Variants in PCDHA5 observed in about 807,000 individuals in gnomAD.
PCDHA5 encodes protocadherin alpha 5.
A neutral mutation model predicts 61.6 loss-of-function variants in PCDHA5; 43 were observed. That is an observed-to-expected ratio of 0.70 (90% confidence interval 0.55 to 0.90). The LOEUF is 0.90. Ranked by LOEUF, PCDHA5 falls within the 40% of genes least tolerant of loss-of-function variation. PCDHA5 has a pLI of 0.00. For synonymous variants in PCDHA5, 627 were observed against 543.9 expected (o/e 1.15, Z -2.13); for missense variants, 1,298 against 1,222.7 (o/e 1.06, Z -0.92).
intron 1 of PCDHA5, chr5:140,870,316 T>C (rs1178506832): frequency 1.2e-6 from 2 of 1,614,126 alleles, no homozygotes; most frequent in Admixed American, 3.3e-5. Context: ...GAATTACTAC[T>C]CGTTGGTGCT....
chr5:140,834,675 C>A lies in PCDHA5; in HGVS notation c.2352+10548C>A, dbSNP rs1554134420. On this transcript the variant is annotated intron_variant, in intron 1 of 3. Transcript: ENST00000529859. ...GATCGACCGCGAGGAGCTGTGCGGG[C>A]GGAGCGCGGAGTGCAGCATCCACCT... is the stretch of plus-strand genomic sequence containing the variant. The A allele has an allele frequency of 1.9e-6, 3 of 1,614,206 alleles. No homozygotes were observed. In the African/African-American group the frequency reaches 4.0e-5, roughly 22 times the overall value.
Position 141,002,117 on chromosome 5 carries a change from C to T in PCDHA5, c.2501-7510C>T, listed in dbSNP as rs74680186. Among the ~76,000 whole-genome samples, 37 of 152,378 alleles carry T rather than the reference C, an allele frequency of 2.4e-4. 1 individual carries two copies. The East Asian group carries it at 6.0e-3, about 25-fold the overall frequency. ...GGGCTGGGCCGGAAACGGCTATAAT[C>T]ATTTAATAGCCTTTGCCGGCTGCAC... On this transcript the variant is annotated intron_variant, in intron 3 of 3. Transcript: ENST00000529859.
intron 3 of PCDHA5, among the ~76,000 whole-genome samples, chr5:140,995,046 A>C (rs193191582): frequency 1.9e-4 from 29 of 152,184 alleles, no homozygotes; most frequent in Non-Finnish European, 3.7e-4. Context: ...CCTTAACTCT[A>C]CTGAATTTTC....
intron 1 of PCDHA5, chr5:140,849,720 C>T (rs1184011333): frequency 1.3e-6 from 2 of 1,598,576 alleles, no homozygotes; most frequent in Admixed American, 1.7e-5. Context: ...CTCGTTGGTG[C>T]TGGACAGAGC....
intron 1 of PCDHA5, among the ~76,000 whole-genome samples, chr5:140,937,697 G>A (rs2091687536): frequency 6.6e-6 from 1 of 151,910 alleles, no homozygotes; most frequent in Non-Finnish European, 1.5e-5. Flanking sequence ...CGGATCACGA[G>A]GTCAGGAGAT....
intron 1 of PCDHA5, chr5:140,843,268 C>T (rs1778736907): frequency 1.3e-6 from 2 of 1,595,984 alleles, no homozygotes; most frequent in East Asian, 2.2e-5. Flanking sequence ...GTCTGCTGGT[C>T]CTGGTGAAGG....
rs1310560301 is a variant in PCDHA5, at chr5:140,838,419, C to T, written c.2352+14292C>T. On this transcript the variant is annotated intron_variant, in intron 1 of 3. Transcript: ENST00000529859. ...GATTACAGGAGTGAGCCACCGCATC[C>T]GGCCTAAATTATATATTGGGTTTTG... is the stretch of plus-strand genomic sequence containing the variant. Among the ~76,000 whole-genome samples, 7 of 151,450 alleles carry T rather than the reference C, an allele frequency of 4.6e-5. 1 individual carries two copies. The highest frequency in any genetic ancestry group is 2.1e-4 in the South Asian group (1 of 4,794).
At chr5:140,828,166 G>T (rs2150151678) in intron 1 of PCDHA5, 1 of 1,614,182 alleles carries the variant, frequency 6.2e-7, no homozygotes, top group Non-Finnish European at 8.5e-7. Context: ...CAGCCTGGAA[G>T]GTGGGGAGCG....
intron 1 of PCDHA5, among the ~76,000 whole-genome samples, chr5:140,900,728 C>A (rs2068258961): frequency 1.3e-5 from 2 of 152,188 alleles, no homozygotes; most frequent in Non-Finnish European, 2.9e-5. Flanking sequence ...TCCTACCTAG[C>A]AGTGGGATTT....
In PCDHA5 at chr5:140,883,892, G is replaced by C; in HGVS notation, c.2352+59765G>C. ...CCAGGTGAGCGCGCGCGACTCTGGC[G>C]TGCCGCCTCTGGGCAGCAACGTGAC... On this transcript the variant is annotated intron_variant, in intron 1 of 3. Transcript: ENST00000529859. 4 of 1,613,362 alleles carry C rather than the reference G, an allele frequency of 2.5e-6. No homozygotes were observed. The South Asian group carries it at 4.4e-5, about 18-fold the overall frequency.
chr5:140,865,920 G>A (rs1282584078), intron 1 of PCDHA5: 2 of 152,110 alleles, frequency 1.3e-5, no homozygotes, highest in African/African-American at 2.4e-5. Flanking sequence ...TTTCTGTTGT[G>A]CTTAGAAGAA....
chr5:140,992,363 G>T (rs1028043863), intron 3 of PCDHA5, among the ~76,000 whole-genome samples: 2 of 152,136 alleles, frequency 1.3e-5, no homozygotes, highest in Non-Finnish European at 2.9e-5. Context: ...GAGAAAAATG[G>T]TTCCCATTAC....
intron 1 of PCDHA5, among the ~76,000 whole-genome samples, chr5:140,952,351 A>G (rs1217158530): frequency 8.3e-6 from 1 of 120,612 alleles, no homozygotes; most frequent in Non-Finnish European, 1.8e-5. Flanking sequence ...AAAAAAAAAA[A>G]AAAGAAAGAA....
At chr5:140,958,374 A>G (rs953397625) in intron 1 of PCDHA5, among the ~76,000 whole-genome samples, 3 of 152,134 alleles carry the variant, frequency 2.0e-5, no homozygotes, top group African/African-American at 7.2e-5. Context: ...GAATGTTGCT[A>G]TTTTCTTAAC....
At chr5:140,829,826 G>A (rs2150175496) in intron 1 of PCDHA5, 2 of 1,613,796 alleles carry the variant, frequency 1.2e-6, no homozygotes, top group South Asian at 1.1e-5. Context: ...TGCAGTGAGC[G>A]AGCTGGTGCC....
intron 3 of PCDHA5, among the ~76,000 whole-genome samples, chr5:140,993,154 A>T (rs2097543247): frequency 6.6e-6 from 1 of 152,220 alleles, no homozygotes; most frequent in Admixed American, 6.5e-5. Flanking sequence ...AATGGATTCT[A>T]AATATTTGCC....
chr5:140,941,259 T>TTC (rs1340815463), intron 1 of PCDHA5, among the ~76,000 whole-genome samples: 28 of 121,830 alleles, frequency 2.3e-4, no homozygotes, highest in East Asian at 1.1e-3. Flanking sequence ...TTCTTTCTCT[T>TTC]TCTTTCTTTC....
intron 1 of PCDHA5, chr5:140,968,562 C>T (rs1210264786): frequency 4.3e-6 from 7 of 1,614,090 alleles, no homozygotes; most frequent in Non-Finnish European, 8.5e-7. Context: ...CGAACTGCCC[C>T]TGCTGGCTAC....
intron 3 of PCDHA5, among the ~76,000 whole-genome samples, chr5:140,994,064 A>G (rs902624513): frequency 6.6e-6 from 1 of 152,142 alleles, no homozygotes; most frequent in African/African-American, 2.4e-5. Context: ...TATAAATCTA[A>G]TGGTGAAGGG....
Sources: allele counts gnomAD v4.1 joint callset (sites outside exome capture counted in the v4.1 genomes callset), GRCh38; gene constraint gnomAD v4.1.1; transcripts MANE v1.5; gene names NCBI Gene and HGNC (gene_info 2026-07-23, HGNC 2026-07-21).